Variants in IQSEC1 observed in about 807,000 individuals in gnomAD.
IQSEC1 encodes the protein IQ motif and SEC7 domain-containing protein 1.
IQSEC1 carries 31 observed loss-of-function variants against 91.0 expected under a neutral mutation model. That is an observed-to-expected ratio of 0.34 (90% CI 0.26 to 0.46). The LOEUF (loss-of-function observed/expected upper bound fraction) is 0.46. IQSEC1 is among the 20% of genes least tolerant of loss of function. The pLI is 1.00. For missense variants in IQSEC1, 1,388 were observed against 1,575.6 expected (o/e 0.88, Z 2.02); for synonymous variants, 699 against 662.6 (o/e 1.05, Z -0.84).
At chr3:12,923,154 G>A (rs1375704246) in intron 4 of IQSEC1, among the ~76,000 whole-genome samples, 2 of 152,194 alleles carry the variant, frequency 1.3e-5, no homozygotes, top group African/African-American at 2.4e-5. Flanking sequence ...TGAGCAGCAG[G>A]AGCAGCGGCC....
At chr3:13,186,234 C>G (rs1693929597) in intron 1 of IQSEC1, among the ~76,000 whole-genome samples, 1 of 152,168 alleles carries the variant, frequency 6.6e-6, no homozygotes, top group Admixed American at 6.5e-5. Flanking sequence ...GGGCCTGTCT[C>G]ATTTGCTATT....
chr3:13,032,645 G>A (rs916276234), intron 1 of IQSEC1, among the ~76,000 whole-genome samples: 4 of 151,012 alleles, frequency 2.6e-5, no homozygotes, highest in African/African-American at 9.8e-5. Flanking sequence ...GTGCAGTGGC[G>A]CAATCTTGGC....
intron 1 of IQSEC1, among the ~76,000 whole-genome samples, chr3:12,978,321 C>A (rs1174911275): frequency 6.6e-6 from 1 of 152,170 alleles, no homozygotes; most frequent in Non-Finnish European, 1.5e-5. Context: ...CTAGAAACAG[C>A]AGCAGCAGCA....
chr3:12,974,070 A>C (rs1253369821), intron 1 of IQSEC1, among the ~76,000 whole-genome samples: 1 of 152,122 alleles, frequency 6.6e-6, no homozygotes, highest in Non-Finnish European at 1.5e-5. Context: ...CATGGGAAAG[A>C]CCCTGAGGGA....
chr3:13,101,533 T>C (rs114978110), intron 2 of IQSEC1, among the ~76,000 whole-genome samples: 2,694 of 151,774 alleles, frequency 0.018, 68 homozygotes, highest in African/African-American at 0.058. Context: ...CCTGGCTAGA[T>C]GGTGGGCTGG....
chr3:13,056,129 G>A (rs1242816497), intron 1 of IQSEC1, among the ~76,000 whole-genome samples: 1 of 152,184 alleles, frequency 6.6e-6, no homozygotes, highest in Non-Finnish European at 1.5e-5. Context: ...GTGGCCCGGA[G>A]CCTGACCAAG....
intron 1 of IQSEC1, among the ~76,000 whole-genome samples, chr3:12,954,082 G>C (rs1004186189): frequency 6.6e-6 from 1 of 152,234 alleles, no homozygotes; most frequent in African/African-American, 2.4e-5. Flanking sequence ...AGCCAAGGCA[G>C]CCCTTGTCCT....
chr3:13,132,955 A>T (rs534478516), intron 2 of IQSEC1, among the ~76,000 whole-genome samples: 10 of 152,222 alleles, frequency 6.6e-5, no homozygotes, highest in Non-Finnish European at 1.3e-4. Flanking sequence ...GAGGGGGTTG[A>T]AGCTGTGTTT....
chr3:13,009,935 G>A (rs370981158), intron 1 of IQSEC1, among the ~76,000 whole-genome samples: 2 of 152,210 alleles, frequency 1.3e-5, no homozygotes, highest in African/African-American at 2.4e-5. Context: ...GCTGATTGCT[G>A]TAAGGCAGTG....
intron 1 of IQSEC1, among the ~76,000 whole-genome samples, chr3:13,035,390 G>A (rs1260735207): frequency 6.6e-6 from 1 of 152,168 alleles, no homozygotes; most frequent in Non-Finnish European, 1.5e-5. Context: ...GTGGACTTGA[G>A]AAGTCCTCCT....
intron 1 of IQSEC1, among the ~76,000 whole-genome samples, chr3:13,229,316 T>C (rs1694805849): frequency 6.6e-6 from 1 of 152,256 alleles, no homozygotes; most frequent in Non-Finnish European, 1.5e-5. Flanking sequence ...TGACAGGGCC[T>C]GGCCTATAAC....
intron 2 of IQSEC1, among the ~76,000 whole-genome samples, chr3:13,128,653 CAGG>C (rs577412446): frequency 2.3e-3 from 346 of 152,204 alleles, no homozygotes; most frequent in African/African-American, 7.8e-3. Flanking sequence ...ATCACGAGGT[CAGG>C]AGATCGAGAC....
At position 12,922,227 on chromosome 3, in the gene IQSEC1, C is replaced by A; in HGVS notation, c.1746G>T (p.Glu582Asp). The A allele has an allele frequency of 6.3e-7, 1 of 1,597,416 alleles. No homozygotes were observed. The highest frequency in any genetic ancestry group is 8.6e-7 in the Non-Finnish European group (1 of 1,168,526). Reference sequence around the variant, plus strand: ...CCAGCTCCATGGTAGAGAAGTCCATCTCGTCCACGACGCAGCTGGAATAGA... The same window carrying A: ...CCAGCTCCATGGTAGAGAAGTCCATATCGTCCACGACGCAGCTGGAATAGA... ...NRDVLDCVVD[E>D]MDFSTMELDE... is the part of the protein sequence containing the mutation. The change falls in exon 5 of 14, where the codon GAG (glutamate) becomes GAT (aspartate). Residue 582 changes from glutamate (E) to aspartate (D), a missense_variant. Glu to Asp is a conservative substitution (Grantham distance 45, BLOSUM62 2). This residue lies in a region of IQSEC1 where 1,059 missense variants were observed against 1,317.8 expected (regional missense o/e 0.80). Coordinates refer to ENST00000613206, the MANE Select transcript of IQSEC1 (RefSeq NM_001134382.3). This position sits in a 1 kb window ranked among gnomAD's most constrained non-coding sequence, Gnocchi z 5.1.
chr3:13,052,443 C>T (rs939031575), intron 1 of IQSEC1, among the ~76,000 whole-genome samples: 2 of 152,222 alleles, frequency 1.3e-5, no homozygotes, highest in African/African-American at 2.4e-5. Context: ...AACCATTCAT[C>T]CGCTGAGGGC....
intron 1 of IQSEC1, among the ~76,000 whole-genome samples, chr3:13,237,165 C>T (rs1576305797): frequency 6.6e-6 from 1 of 152,232 alleles, no homozygotes; most frequent in African/African-American, 2.4e-5. Context: ...AAATAGGATT[C>T]TGCTGCCAAC....
Position 12,900,222 on chromosome 3 carries a change from G to A in IQSEC1, c.*761C>T, listed in dbSNP as rs73813730. ...AAACAGTTAGATGCTATGTTACTTG[G>A]CACAGTTAGTAATGATTGTGTAAAG... On this transcript the variant is annotated 3_prime_UTR_variant, in exon 14 of 14. Coordinates refer to ENST00000613206, the MANE Select transcript of IQSEC1 (RefSeq NM_001134382.3). The A allele has an allele frequency of 4.9e-5, 48 of 982,506 alleles. No individual in the cohort carries two copies. In the African/African-American group the frequency reaches 7.7e-4, roughly 16 times the overall value. The allele number at this position is 982,506 out of a possible 1,614,324, so 60.9% of individuals were successfully genotyped here.
At chr3:13,023,758 A>G (rs965839428) in intron 1 of IQSEC1, among the ~76,000 whole-genome samples, 1 of 152,236 alleles carries the variant, frequency 6.6e-6, no homozygotes, top group African/African-American at 2.4e-5. Flanking sequence ...AAAACAAGAT[A>G]GGTTTCTACA....
At chr3:13,073,918 C>T (rs2125119505), upstream of IQSEC1, among the ~76,000 whole-genome samples, 1 of 152,358 alleles carries the variant, frequency 6.6e-6, no homozygotes, top group African/African-American at 2.4e-5. Context: ...CCAGTAGCTG[C>T]ACGGTGGATG....
At chr3:13,138,342 C>A (rs72658707) in intron 2 of IQSEC1, among the ~76,000 whole-genome samples, 1,842 of 151,930 alleles carry the variant, frequency 0.012, 42 homozygotes, top group African/African-American at 0.042. Context: ...GGCAAGCAGG[C>A]CCTAGGTGTC....
Sources: gnomAD v4.1 joint callset for allele counts (sites outside exome capture counted in the v4.1 genomes callset) on GRCh38, gnomAD v4.1.1 for gene constraint, gnomAD v4.1.1 regional missense constraint, Gnocchi (gnomAD v3.1) non-coding constraint, MANE v1.5 for transcripts, NCBI Gene and HGNC (gene_info 2026-07-23, HGNC 2026-07-21) for gene names.